Variants in BCAS3 observed in about 807,000 individuals in gnomAD.
BCAS3 encodes BCAS4/BCAS3 fusion.
BCAS3 carries 53 observed loss-of-function variants against 116.1 expected under a neutral mutation model. The observed-to-expected ratio is 0.46, with a 90% CI of 0.37 to 0.57. The LOEUF (loss-of-function observed/expected upper bound fraction) is 0.57. Ranked by LOEUF, BCAS3 falls within the 20% of genes least tolerant of loss-of-function variation. The pLI, the probability that BCAS3 is intolerant of heterozygous loss-of-function variation, is 0.00. For missense variants in BCAS3, 917 were observed against 1,165.4 expected (o/e 0.79, Z 3.10); for synonymous variants, 391 against 408.2 (o/e 0.96, Z 0.51).
intron 22 of BCAS3, among the ~76,000 whole-genome samples, chr17:61,168,403 T>C (rs2078643368): frequency 6.6e-6 from 1 of 152,228 alleles, no homozygotes; most frequent in South Asian, 2.1e-4. Context: ...TGACTCCATT[T>C]TGTGTAAAAA....
chr17:60,976,020 C>CT (rs755966067), intron 14 of BCAS3, among the ~76,000 whole-genome samples: 6 of 98,310 alleles, frequency 6.1e-5, no homozygotes, highest in African/African-American at 8.3e-5. Context: ...TAGATTTTTG[C>CT]TTTTTTTTTT....
chr17:61,123,336 GCCAATATCGCTGTTCCC>G (rs1233376401), intron 22 of BCAS3, among the ~76,000 whole-genome samples: 7 of 152,032 alleles, frequency 4.6e-5, no homozygotes, highest in Admixed American at 2.6e-4. Context: ...CTGCTTCCCT[GCCAATATCGCTGTTCCC>G]CCAGATGGAC....
chr17:60,790,037 T>C (rs1294616777), intron 6 of BCAS3, among the ~76,000 whole-genome samples: 2 of 152,210 alleles, frequency 1.3e-5, no homozygotes, highest in Non-Finnish European at 1.5e-5. Context: ...GTTTTCTACT[T>C]GCATGGACTT....
chr17:60,936,512 C>T (rs1216285915), intron 13 of BCAS3, among the ~76,000 whole-genome samples: 1 of 152,136 alleles, frequency 6.6e-6, no homozygotes, highest in Non-Finnish European at 1.5e-5. Context: ...ACATCCTCTC[C>T]AGCACCTGTT....
chr17:61,191,482 A>G (rs1324682488), intron 22 of BCAS3, among the ~76,000 whole-genome samples: 1 of 152,232 alleles, frequency 6.6e-6, no homozygotes, highest in Non-Finnish European at 1.5e-5. Context: ...GATATGAAAA[A>G]TAATGACTTA....
At position 61,224,588 on chromosome 17, in the gene BCAS3, T is replaced by C. The variant is rs2082279056; in HGVS notation, c.2425+140024T>C. On this transcript the variant is annotated intron_variant, in intron 22 of 23. Coordinates refer to ENST00000407086, the MANE Select transcript of BCAS3 (RefSeq NM_017679.5). The surrounding 1 kb of genome is among the most constrained non-coding windows in gnomAD (Gnocchi z 5.7). The stretch of plus-strand genomic sequence containing the variant: ...AGTCCTTTGAATACTTTGCAGTGTT[T>C]CATATACATCTGGAGTCAACTGGTT... 6.6e-6 allele frequency among the ~76,000 whole-genome samples: 1 copy of C among 152,212 alleles called. No individual in the cohort carries two copies. Among genetic ancestry groups the C allele is most frequent in the Non-Finnish European group, 1.5e-5 (1 of 68,030 alleles).
rs574593033 is a variant in BCAS3, at chr17:61,141,103, T to C, written c.2425+56539T>C. ...TTCATTTCAACACAGTAATGAGTATTCATCCTCTGTTGCCCTAAGAACTTA... is the reference window on the plus strand; with the variant it reads ...TTCATTTCAACACAGTAATGAGTATCCATCCTCTGTTGCCCTAAGAACTTA... On this transcript the variant is annotated intron_variant, in intron 22 of 23. Transcript: ENST00000407086. The surrounding 1 kb of genome is among the most constrained non-coding windows in gnomAD (Gnocchi z 4.3). Among the ~76,000 whole-genome samples, 5 of 152,276 alleles carry C rather than the reference T, an allele frequency of 3.3e-5. No homozygotes were observed. The highest frequency in any genetic ancestry group is 1.2e-4 in the African/African-American group (5 of 41,552).
At chr17:60,890,799 A>G (rs2057091002) in intron 10 of BCAS3, among the ~76,000 whole-genome samples, 1 of 152,202 alleles carries the variant, frequency 6.6e-6, no homozygotes, top group Admixed American at 6.5e-5. Context: ...TGCTAGTTGC[A>G]TAGTTATTGT....
chr17:61,164,842 A>T (rs540097447), intron 22 of BCAS3, among the ~76,000 whole-genome samples: 2 of 152,350 alleles, frequency 1.3e-5, no homozygotes, highest in Non-Finnish European at 2.9e-5. Context: ...CTAGTTCCTT[A>T]TGAGTTAGTA....
rs2080696965 is a variant in BCAS3, at chr17:61,199,541, A to G, written c.2425+114977A>G. 6.6e-6 allele frequency among the ~76,000 whole-genome samples: 1 copy of G among 152,166 alleles called. No homozygotes were observed. The highest frequency in any genetic ancestry group is 2.4e-5 in the African/African-American group (1 of 41,430). ...TAATCACATATTTTTTTCCCTTCTA[A>G]TTTGTGCCCTGACTGCACCTTGTGA... On this transcript the variant is annotated intron_variant, in intron 22 of 23. Coordinates refer to ENST00000407086, the MANE Select transcript of BCAS3 (RefSeq NM_017679.5). This position sits in a 1 kb window ranked among gnomAD's most constrained non-coding sequence, Gnocchi z 4.6.
At chr17:60,814,294 T>TGCGCGC (rs1227778280) in intron 7 of BCAS3, among the ~76,000 whole-genome samples, 81 of 122,130 alleles carry the variant, frequency 6.6e-4, no homozygotes, top group African/African-American at 2.0e-3. Context: ...TGTGTGTGTG[T>TGCGCGC]GTGTGTGTGT....
In BCAS3 at chr17:61,017,513, CA is replaced by C. The variant is rs1232279389; in HGVS notation, c.1637+1616del. ...AGAGTGAGGGAAATTTAAGAAGGTT[CA>C]AAAGGCTCCTGGAGTCATAAAAGCA... On this transcript the variant is annotated intron_variant, in intron 16 of 23. Coordinates refer to ENST00000407086, the MANE Select transcript of BCAS3 (RefSeq NM_017679.5). The surrounding 1 kb of genome is among the most constrained non-coding windows in gnomAD (Gnocchi z 4.7). Among the ~76,000 whole-genome samples, 1 of 152,128 alleles carries C rather than the reference CA, an allele frequency of 6.6e-6. No homozygotes were observed. The highest frequency in any genetic ancestry group is 1.5e-5 in the Non-Finnish European group (1 of 68,006).
chr17:61,094,637 T>TA (rs2073849935), intron 22 of BCAS3, among the ~76,000 whole-genome samples: 2 of 152,118 alleles, frequency 1.3e-5, no homozygotes, highest in African/African-American at 4.8e-5. Flanking sequence ...CACCTGAGGT[T>TA]AGTTCAAGAC....
At position 60,757,031 on chromosome 17, in the gene BCAS3, C is replaced by T. The variant is rs187669058; in HGVS notation, c.403+9752C>T. On this transcript the variant is annotated intron_variant, in intron 6 of 23. Transcript: ENST00000407086. ...TACAAAAATTAGCTGGGCGTGTTGG[C>T]GCGTGCCTGTAGTCGCAGCTACTCG... Among the ~76,000 whole-genome samples the T allele has an allele frequency of 2.5e-3, 373 of 152,118 alleles. 2 individuals carry two copies. Among genetic ancestry groups the T allele is most frequent in the African/African-American group, 8.3e-3 (343 of 41,462 alleles).
chr17:61,375,716 G>A (rs796631448), intron 23 of BCAS3, among the ~76,000 whole-genome samples: 3 of 152,118 alleles, frequency 2.0e-5, no homozygotes, highest in African/African-American at 7.2e-5. Context: ...TGGATTACAG[G>A]CATGCGCCAC....
At chr17:60,832,083 C>T (rs893367997) in intron 7 of BCAS3, among the ~76,000 whole-genome samples, 1 of 152,146 alleles carries the variant, frequency 6.6e-6, no homozygotes. Flanking sequence ...TACACCACTG[C>T]ACTATTAAGT....
In BCAS3 at chr17:61,362,085, C is replaced by G. The variant is rs1435641882; in HGVS notation, c.2426-6242C>G. Among the ~76,000 whole-genome samples, 1 of 152,164 alleles carries G rather than the reference C, an allele frequency of 6.6e-6. No homozygotes were observed. Among genetic ancestry groups the G allele is most frequent in the African/African-American group, 2.4e-5 (1 of 41,442 alleles). On this transcript the variant is annotated intron_variant, in intron 22 of 23. Coordinates refer to ENST00000407086, the MANE Select transcript of BCAS3 (RefSeq NM_017679.5). This position sits in a 1 kb window ranked among gnomAD's most constrained non-coding sequence, Gnocchi z 4.4. ...AGTCAAGTTGATACATGAAATTGAC[C>G]ATTGCACCAAGAAGAGCTAATGTCC...
chr17:60,750,417 A>C (rs575083846), intron 6 of BCAS3, among the ~76,000 whole-genome samples: 50 of 152,302 alleles, frequency 3.3e-4, no homozygotes, highest in Middle Eastern at 3.4e-3. Flanking sequence ...TTTCCTGCTG[A>C]GTTCAGGATG....
intron 22 of BCAS3, among the ~76,000 whole-genome samples, chr17:61,230,276 G>A (rs1004263257): frequency 1.3e-5 from 2 of 151,972 alleles, no homozygotes; most frequent in African/African-American, 4.8e-5. Flanking sequence ...ACAGCTCTCC[G>A]TGGTCCACCA....
Sources: allele counts gnomAD v4.1 joint callset (sites outside exome capture counted in the v4.1 genomes callset), GRCh38; gene constraint gnomAD v4.1.1; non-coding constraint Gnocchi (gnomAD v3.1); transcripts MANE v1.5; gene names NCBI Gene and HGNC (gene_info 2026-07-23, HGNC 2026-07-21).